Variants in ATP1A3 observed in about 807,000 individuals in gnomAD.
ATP1A3 encodes ATPase Na+/K+ transporting subunit alpha 3.
In ATP1A3, 12 loss-of-function variants were observed where a neutral mutation model predicts 108.8. The ratio of observed to expected loss-of-function variants is 0.11; its 90% confidence interval spans 0.07 to 0.18. The LOEUF (loss-of-function observed/expected upper bound fraction) is 0.18, where lower values mean the gene tolerates loss of function less well. Among genes scored for constraint, ATP1A3 ranks in the 10% least tolerant of loss-of-function variants. The pLI is 1.00. For missense variants in ATP1A3, 498 were observed against 1,387.7 expected, an observed-to-expected ratio of 0.36 and a Z score of 10.19; for synonymous variants, 539 against 564.5, an observed-to-expected ratio of 0.95 and a Z score of 0.64.
At chr19:41,984,862 C>T in intron 8 of ATP1A3, 56 bp downstream of exon 8, 1 of 1,566,028 alleles carries the variant, frequency 6.4e-7, no homozygotes, top group South Asian at 1.2e-5. Context: ...CTCCCTCAGA[C>T]CCAGGAGCCC....
Position 41,987,356 on chromosome 19 carries a change from C to T in ATP1A3, c.357+580G>A, listed in dbSNP as rs997897345. On this transcript the variant is annotated intron_variant, in intron 4 of 22. Coordinates refer to ENST00000648268, the MANE Select transcript of ATP1A3 (RefSeq NM_152296.5). ...TGCGTGTCAGTGTGTGTGTGAGTTT[C>T]TCTGTCAGTGTATATCTGAGTCTGT... Among the ~76,000 whole-genome samples the T allele has an allele frequency of 4.6e-5, 7 of 152,226 alleles. No individual in the cohort carries two copies. The South Asian group carries it at 1.5e-3, about 32-fold the overall frequency.
chr19:41,980,521 T>C (rs1012906527), intron 11 of ATP1A3, among the ~76,000 whole-genome samples: 1 of 151,892 alleles, frequency 6.6e-6, no homozygotes, highest in African/African-American at 2.4e-5. Context: ...GGCTGAGATA[T>C]GAGAATCACT....
intron 18 of ATP1A3, 125 bp downstream of exon 18, chr19:41,970,060 C>T (rs1469727719): frequency 1.9e-5 from 29 of 1,496,856 alleles, no homozygotes; most frequent in Non-Finnish European, 2.6e-5. Context: ...AGATAGCTCA[C>T]TGGTTGGTCC....
chr19:41,976,313 AC>A (rs2075169786), intron 15 of ATP1A3, 102 bp downstream of exon 15: 2 of 1,444,318 alleles, frequency 1.4e-6, no homozygotes, highest in Admixed American at 2.0e-5. Flanking sequence ...AGGGGTCCAG[AC>A]CCCCAGCCCC....
Position 41,985,561 on chromosome 19 carries a change from T to TGTG in ATP1A3, c.607-141_607-139dup, listed in dbSNP as rs1174192358. The TGTG allele has an allele frequency of 3.2e-6, 3 of 933,072 alleles. No individual in the cohort carries two copies. The African/African-American group carries it at 4.9e-5, about 15-fold the overall frequency. The allele number at this position is 933,072 out of a possible 1,614,324, so 57.8% of individuals were successfully genotyped here. ...CTGGGTGCCCAGTGGGTGAGTGGTG[T>TGTG]GTGGGAGGCCAGAGGCTGGGATCTT... is the stretch of plus-strand genomic sequence containing the variant. On this transcript the variant is annotated intron_variant, in intron 6 of 22. Coordinates refer to ENST00000648268, the MANE Select transcript of ATP1A3 (RefSeq NM_152296.5). The surrounding 1 kb of genome is among the most constrained non-coding windows in gnomAD (Gnocchi z 8.2).
In ATP1A3 at chr19:41,985,499, G is replaced by T. The variant is rs1373288539; in HGVS notation, c.607-76C>A. 4.1e-5 allele frequency: 57 copies of T among 1,396,062 alleles called. No individual in the cohort carries two copies. Among genetic ancestry groups the T allele is most frequent in the Non-Finnish European group, 5.3e-5 (52 of 983,764 alleles). The allele number at this position is 1,396,062 out of a possible 1,614,324, so 86.5% of individuals were successfully genotyped here. On this transcript the variant is annotated intron_variant, in intron 6 of 22. Transcript: ENST00000648268. The surrounding 1 kb of genome is among the most constrained non-coding windows in gnomAD (Gnocchi z 8.2). The stretch of plus-strand genomic sequence containing the variant: ...AGGGTATTTGTGTACAGGGCTTGGG[G>T]CTGAAGCCTGTGTGCCTGGAGATCA...
In ATP1A3 at chr19:41,967,375, G is replaced by C; in HGVS notation, c.2922-35C>G. On this transcript the variant is annotated intron_variant, in intron 21 of 22. Transcript: ENST00000648268. This position sits in a 1 kb window ranked among gnomAD's most constrained non-coding sequence, Gnocchi z 4.2. ...GGAGAGCAGGAGGGCTTGAGTGCGGGGCCCTAACGAGAGGCAGAGTTTCAG... is the reference window on the plus strand; with the variant it reads ...GGAGAGCAGGAGGGCTTGAGTGCGGCGCCCTAACGAGAGGCAGAGTTTCAG... 1 of 1,592,762 alleles carries C rather than the reference G, an allele frequency of 6.3e-7. No individual in the cohort carries two copies. Among genetic ancestry groups the C allele is most frequent in the Non-Finnish European group, 8.5e-7 (1 of 1,172,610 alleles).
At chr19:41,993,574 T>C in intron 1 of ATP1A3, 3 of 1,208,108 alleles carry the variant, frequency 2.5e-6, no homozygotes, top group Middle Eastern at 2.7e-4. Context: ...CATCCAGGCC[T>C]GGAAGGAGAA....
chr19:41,994,191 C>A lies in ATP1A3; in HGVS notation c.-115G>T. The A allele has an allele frequency of 4.7e-6, 4 of 849,322 alleles. No individual in the cohort carries two copies. The South Asian group carries it at 8.9e-5, about 19-fold the overall frequency. 52.6% of individuals were successfully genotyped at this position (849,322 alleles called of 1,614,324 possible). ...GCGCCCGCGCCTCGGTAGGTGCGCG[C>A]GTCCGTCCGTCCGTCCGTTGGTCCC... On this transcript the variant is annotated 5_prime_UTR_variant, in exon 1 of 23. Coordinates refer to ENST00000648268, the MANE Select transcript of ATP1A3 (RefSeq NM_152296.5).
Position 41,985,140 on chromosome 19 carries a change from C to T in ATP1A3, c.771G>A (p.Met257Ile). ...VVVATGDRTV[M>I]GRIATLASGL... ...CTGATGCCAGGGTGGCGATACGGCCCATGACAGTGCGGTCGCCCGTGGCCA... is the reference window on the plus strand; with the variant it reads ...CTGATGCCAGGGTGGCGATACGGCCTATGACAGTGCGGTCGCCCGTGGCCA... The change falls in exon 8 of 23, where the codon ATG becomes ATA. Residue 257 changes from methionine to isoleucine, a missense_variant. Met to Ile is a conservative substitution (Grantham distance 10, BLOSUM62 1). Coordinates refer to ENST00000648268, the MANE Select transcript of ATP1A3 (RefSeq NM_152296.5). The surrounding 1 kb of genome is among the most constrained non-coding windows in gnomAD (Gnocchi z 8.2). The T allele has an allele frequency of 6.2e-7, 1 of 1,613,786 alleles. No individual in the cohort carries two copies. The highest frequency in any genetic ancestry group is 8.5e-7 in the Non-Finnish European group (1 of 1,179,768).
Position 41,988,212 on chromosome 19 carries a change from G to GAACTT in ATP1A3, c.154-78_154-74dup. 3.7e-6 allele frequency: 6 copies of GAACTT among 1,612,270 alleles called. No homozygotes were observed. The highest frequency in any genetic ancestry group is 1.7e-6 in the Non-Finnish European group (2 of 1,178,468). On this transcript the variant is annotated intron_variant, in intron 3 of 22. Coordinates refer to ENST00000648268, the MANE Select transcript of ATP1A3 (RefSeq NM_152296.5). This position sits in a 1 kb window ranked among gnomAD's most constrained non-coding sequence, Gnocchi z 5.3. ...ACCCCAGGCCTTCACCAGACCCCCA[G>GAACTT]AACTTAAGACACCAGCCACAGCCCC...
rs2075282826 is a variant in ATP1A3 at position 41,985,998 on chromosome 19, G to T, written c.472C>A (p.Gln158Lys). The change falls in exon 6 of 23, where the codon CAA becomes AAA. Residue 158 changes from glutamine (Q) to lysine (K), a missense_variant and splice_region_variant. Physicochemically the swap from Gln to Lys is moderately conservative, Grantham distance 53. This residue lies in a region of ATP1A3 where 127 missense variants were observed against 464.0 expected (regional missense o/e 0.27). Coordinates refer to ENST00000648268, the MANE Select transcript of ATP1A3 (RefSeq NM_152296.5). This position sits in a 1 kb window ranked among gnomAD's most constrained non-coding sequence, Gnocchi z 8.2. ...TCACCTTCCCGGATCACCAGGGCTT[G>T]CTGAGGTGGGATGGAGTAATGTCAC... ...MESFKNMVPQQALVIREGEKM... is the reference protein window; with the variant it reads ...MESFKNMVPQKALVIREGEKM... The T allele has an allele frequency of 6.2e-7, 1 of 1,614,154 alleles. No individual in the cohort carries two copies. Among genetic ancestry groups the T allele is most frequent in the Non-Finnish European group, 8.5e-7 (1 of 1,180,016 alleles).
At position 41,967,074 on chromosome 19, in the gene ATP1A3, C is replaced by T. The variant is rs1212612206; in HGVS notation, c.3014-109G>A. ...ACAGAGAGGGAGAGAGACAAGGAAA[C>T]CACACAGACAGAGACCCGTGAGAAG... On this transcript the variant is annotated intron_variant, in intron 22 of 22. Transcript: ENST00000648268. The surrounding 1 kb of genome is among the most constrained non-coding windows in gnomAD (Gnocchi z 4.2). The T allele has an allele frequency of 7.7e-6, 12 of 1,551,564 alleles. No individual in the cohort carries two copies. The highest frequency in any genetic ancestry group is 3.3e-4 in the Middle Eastern group (2 of 6,012).
intron 11 of ATP1A3, among the ~76,000 whole-genome samples, chr19:41,979,016 T>G (rs1456478425): frequency 6.6e-6 from 1 of 152,072 alleles, no homozygotes; most frequent in African/African-American, 2.4e-5. Flanking sequence ...TTTTCTTTTT[T>G]TTTTGAGACA....
Position 41,978,432 on chromosome 19 carries a change from C to G in ATP1A3, c.1631-106G>C. 1 of 1,480,382 alleles carries G rather than the reference C, an allele frequency of 6.8e-7. No homozygotes were observed. The highest frequency in any genetic ancestry group is 9.2e-7 in the Non-Finnish European group (1 of 1,090,754). The allele number at this position is 1,480,382 out of a possible 1,614,324, so 91.7% of individuals were successfully genotyped here. ...GCATTCCATCTCCCCATCAGCAAGA[C>G]GGCCAGTCAGCATTCATTTCCTAGG... On this transcript the variant is annotated intron_variant, in intron 12 of 22. Coordinates refer to ENST00000648268, the MANE Select transcript of ATP1A3 (RefSeq NM_152296.5). This position sits in a 1 kb window ranked among gnomAD's most constrained non-coding sequence, Gnocchi z 8.3.
rs1246646193 is a variant in ATP1A3, at chr19:41,985,890, G to A, written c.580C>T (p.Arg194Trp). The change falls in exon 6 of 23, where the codon CGG becomes TGG. Residue 194 changes from arginine (R) to tryptophan (W), a missense_variant. This residue lies in a region of ATP1A3 where 127 missense variants were observed against 464.0 expected (regional missense o/e 0.27). Coordinates refer to ENST00000648268, the MANE Select transcript of ATP1A3 (RefSeq NM_152296.5). This position sits in a 1 kb window ranked among gnomAD's most constrained non-coding sequence, Gnocchi z 8.2. ...TTGCAGCCGTGGGCTGAGATGATCC[G>A]CAGGTCAGCTGGCACTCGGTCTCCA... ...KGGDRVPADL[R>W]IISAHGCKVD... 1 of 1,614,086 alleles carries A rather than the reference G, an allele frequency of 6.2e-7. No individual in the cohort carries two copies. Among genetic ancestry groups the A allele is most frequent in the Non-Finnish European group, 8.5e-7 (1 of 1,179,992 alleles).
chr19:41,967,192 C>T lies in ATP1A3; in HGVS notation c.3013+57G>A, dbSNP rs2075051891. 6.2e-7 allele frequency: 1 copy of T among 1,611,902 alleles called. No individual in the cohort carries two copies. Among genetic ancestry groups the T allele is most frequent in the African/African-American group, 1.3e-5 (1 of 74,860 alleles). On this transcript the variant is annotated intron_variant, in intron 22 of 22. Transcript: ENST00000648268. This position sits in a 1 kb window ranked among gnomAD's most constrained non-coding sequence, Gnocchi z 4.2. ...CAGGGCGAGGGGAGCCTGGGACCAGCTGCCTGAGACCCTGCTGCCCCCCGC... is the reference window on the plus strand; with the variant it reads ...CAGGGCGAGGGGAGCCTGGGACCAGTTGCCTGAGACCCTGCTGCCCCCCGC...
chr19:41,968,929 G>A lies in ATP1A3; in HGVS notation c.2689-14C>T. 6.2e-7 allele frequency: 1 copy of A among 1,613,630 alleles called. No homozygotes were observed. The highest frequency in any genetic ancestry group is 8.5e-7 in the Non-Finnish European group (1 of 1,179,702). ...CTGCTCGTATGTCTGCAGGAGCGGT[G>A]ACCAGGGCACGGGACGTCAGTTAGT... On this transcript the variant is annotated splice_polypyrimidine_tract_variant and intron_variant, in intron 19 of 22. Transcript: ENST00000648268. This position sits in a 1 kb window ranked among gnomAD's most constrained non-coding sequence, Gnocchi z 5.0.
chr19:41,976,277 C>T (rs2075168642), intron 15 of ATP1A3, 139 bp downstream of exon 15: 1 of 1,246,744 alleles, frequency 8.0e-7, no homozygotes, highest in Non-Finnish European at 1.1e-6. Flanking sequence ...GGAGTCCAGG[C>T]CCCCAGACCC....
Sources: gnomAD v4.1 joint callset for allele counts (sites outside exome capture counted in the v4.1 genomes callset) on GRCh38, gnomAD v4.1.1 for gene constraint, gnomAD v4.1.1 regional missense constraint, Gnocchi (gnomAD v3.1) non-coding constraint, MANE v1.5 for transcripts, NCBI Gene and HGNC (gene_info 2026-07-23, HGNC 2026-07-21) for gene names.